The following TCF4 variants were observed in gnomAD, a reference collection of about 807,000 sequenced individuals.
TCF4 encodes the protein transcription factor 4.
In TCF4, 3 loss-of-function variants were observed where a neutral mutation model predicts 82.1. That is an observed-to-expected ratio of 0.04 (90% CI 0.02 to 0.09). The LOEUF (loss-of-function observed/expected upper bound fraction) is 0.09. Ranked by LOEUF, TCF4 falls within the 10% of genes least tolerant of loss-of-function variation. TCF4 has a pLI of 1.00. For missense variants in TCF4, 518 were observed against 852.7 expected, an observed-to-expected ratio of 0.61 and a Z score of 4.89; for synonymous variants, 276 against 309.6, an observed-to-expected ratio of 0.89 and a Z score of 1.14.
chr18:55,360,872 G>A (rs2084964963), intron 6 of TCF4, among the ~76,000 whole-genome samples: 1 of 151,606 alleles, frequency 6.6e-6, no homozygotes, highest in African/African-American at 2.4e-5. Context: ...GGCTACAGGT[G>A]CATGCCACCA....
At chr18:55,245,741 G>A (rs1262187836) in intron 15 of TCF4, among the ~76,000 whole-genome samples, 3 of 152,152 alleles carry the variant, frequency 2.0e-5, no homozygotes, top group Non-Finnish European at 2.9e-5. Flanking sequence ...ACTCGAATAT[G>A]AGCTCAATGG....
chr18:55,437,865 T>C (rs532178904), intron 5 of TCF4, among the ~76,000 whole-genome samples: 1 of 152,322 alleles, frequency 6.6e-6, no homozygotes, highest in South Asian at 2.1e-4. Context: ...GTCAGATATA[T>C]AAGGCATCAG....
chr18:55,341,160 T>A (rs1219889156), intron 8 of TCF4, among the ~76,000 whole-genome samples: 1 of 152,180 alleles, frequency 6.6e-6, no homozygotes, highest in Non-Finnish European at 1.5e-5. Flanking sequence ...GTCTACAGAG[T>A]GTCTGAAACG....
chr18:55,434,010 A>G (rs1003291235), intron 5 of TCF4, among the ~76,000 whole-genome samples: 1 of 152,198 alleles, frequency 6.6e-6, no homozygotes, highest in African/African-American at 2.4e-5. Flanking sequence ...GAAATAAAAC[A>G]AATCAGCCTA....
intron 15 of TCF4, among the ~76,000 whole-genome samples, chr18:55,239,292 A>G (rs116328149): frequency 1.0e-3 from 153 of 152,320 alleles, no homozygotes; most frequent in African/African-American, 3.6e-3. Flanking sequence ...CCTTGGTTAT[A>G]TATCAGTTAG....
chr18:55,504,904 G>A (rs1057193210), intron 3 of TCF4, among the ~76,000 whole-genome samples: 4 of 152,160 alleles, frequency 2.6e-5, no homozygotes, highest in African/African-American at 9.7e-5. Context: ...ATTATAAGGT[G>A]CAGAAAGGCA....
intron 5 of TCF4, among the ~76,000 whole-genome samples, chr18:55,423,173 T>TA (rs10623644): frequency 0.28 from 42,277 of 151,294 alleles, 9,859 homozygotes; most frequent in African/African-American, 0.65. Context: ...CAGTTCTTAA[T>TA]AAAAAAAAAT....
intron 3 of TCF4, among the ~76,000 whole-genome samples, chr18:55,522,136 T>C (rs1166542275): frequency 6.6e-6 from 1 of 152,058 alleles, no homozygotes; most frequent in Non-Finnish European, 1.5e-5. Context: ...GTTACCAGAG[T>C]GATGATAACA....
chr18:55,383,229 T>A (rs1472709358), intron 6 of TCF4, among the ~76,000 whole-genome samples: 1 of 152,212 alleles, frequency 6.6e-6, no homozygotes, highest in Non-Finnish European at 1.5e-5. Context: ...ACTCAAGGCT[T>A]CTCAGATCTT....
intron 8 of TCF4, among the ~76,000 whole-genome samples, chr18:55,334,927 G>A (rs985209076): frequency 1.3e-5 from 2 of 152,094 alleles, no homozygotes; most frequent in African/African-American, 2.4e-5. Flanking sequence ...GAGAGCAAAG[G>A]GAAAGTTTGG....
At chr18:55,427,409 TAATAAG>T (rs2095034705) in intron 5 of TCF4, among the ~76,000 whole-genome samples, 1 of 152,186 alleles carries the variant, frequency 6.6e-6, no homozygotes. Flanking sequence ...ACTACATTAA[TAATAAG>T]AATAATGATT....
At chr18:55,243,921 A>T (rs1479099489) in intron 15 of TCF4, among the ~76,000 whole-genome samples, 1 of 152,218 alleles carries the variant, frequency 6.6e-6, no homozygotes, top group African/African-American at 2.4e-5. Flanking sequence ...TTGGTAATTC[A>T]GAGTTTCTCA....
intron 8 of TCF4, among the ~76,000 whole-genome samples, chr18:55,318,593 A>G (rs758163312): frequency 1.6e-4 from 24 of 152,210 alleles, no homozygotes; most frequent in Non-Finnish European, 3.2e-4. Flanking sequence ...GTTTATATCC[A>G]AAATTTATTC....
intron 3 of TCF4, chr18:55,482,299 G>T (rs2096449471): frequency 6.6e-6 from 1 of 152,142 alleles, no homozygotes. Context: ...TCCTGATTGG[G>T]ACCATCATGG....
intron 8 of TCF4, among the ~76,000 whole-genome samples, chr18:55,327,117 T>TA (rs1368271105): frequency 3.3e-5 from 5 of 152,170 alleles, no homozygotes; most frequent in Non-Finnish European, 7.4e-5. Flanking sequence ...ATTGAAATCT[T>TA]AAGACTATGA....
At chr18:55,300,592 C>T (rs1322517260) in intron 8 of TCF4, among the ~76,000 whole-genome samples, 4 of 152,116 alleles carry the variant, frequency 2.6e-5, no homozygotes, top group Non-Finnish European at 4.4e-5. Flanking sequence ...AACCATATGT[C>T]GGTTCTTCCA....
At chr18:55,608,245 C>T (rs1020284580) in intron 2 of TCF4, among the ~76,000 whole-genome samples, 1 of 152,074 alleles carries the variant, frequency 6.6e-6, no homozygotes, top group African/African-American at 2.4e-5. Context: ...CTATGGCTTA[C>T]TAGCAATGCA....
intron 9 of TCF4, among the ~76,000 whole-genome samples, chr18:55,278,973 C>T (rs899446435): frequency 6.6e-6 from 1 of 152,132 alleles, no homozygotes; most frequent in African/African-American, 2.4e-5. Context: ...CTGGACAATT[C>T]CATAATTTCC....
intron 2 of TCF4, among the ~76,000 whole-genome samples, chr18:55,610,587 C>T (rs1291661697): frequency 6.6e-6 from 1 of 152,164 alleles, no homozygotes; most frequent in Non-Finnish European, 1.5e-5. Flanking sequence ...ACTCCTGGAT[C>T]TGTTTTTCCA....
Sources: gnomAD v4.1 joint callset for allele counts (sites outside exome capture counted in the v4.1 genomes callset) on GRCh38, gnomAD v4.1.1 for gene constraint, MANE v1.5 for transcripts, NCBI Gene and HGNC (gene_info 2026-07-23, HGNC 2026-07-21) for gene names.